Variants in ZNF333 observed in about 807,000 individuals in gnomAD.
The protein encoded by ZNF333 is zinc finger protein 333.
ZNF333 carries 61 observed loss-of-function variants against 76.1 expected under a neutral mutation model. The observed-to-expected ratio is 0.80, with a 90% confidence interval of 0.65 to 0.99. The LOEUF (loss-of-function observed/expected upper bound fraction) is 0.99. Ranked by LOEUF, ZNF333 falls within the 50% of genes least tolerant of loss-of-function variation. The pLI is 0.00. For synonymous variants in ZNF333, 284 were observed against 305.0 expected (o/e 0.93, Z 0.72); for missense variants, 717 against 822.4 (o/e 0.87, Z 1.57).
chr19:14,728,352 G>A (rs1408723192), intron 11 of ZNF333, among the ~76,000 whole-genome samples: 1 of 152,214 alleles, frequency 6.6e-6, no homozygotes, highest in Non-Finnish European at 1.5e-5. Flanking sequence ...CTCTTCTTAT[G>A]CTAGGGTGTG....
Position 14,718,241 on chromosome 19 carries a change from C to T in ZNF333, c.914C>T (p.Pro305Leu), listed in dbSNP as rs2042494451. ...SIDVKGEQPQPGEKLYKYNEL... is the reference protein window; with the variant it reads ...SIDVKGEQPQLGEKLYKYNEL... ...CTTCATCGACAGGAGCAACCTCAGC[C>T]TGGAGAAAAACTCTATAAATATAAT... Residue 305 changes from proline to leucine, a missense_variant, in exon 12 of 12, where the codon CCT becomes CTT. Coordinates refer to ENST00000292530, the MANE Select transcript of ZNF333 (RefSeq NM_032433.4). The T allele has an allele frequency of 2.5e-6, 4 of 1,608,482 alleles. No homozygotes were observed. The highest frequency in any genetic ancestry group is 2.5e-6 in the Non-Finnish European group (3 of 1,177,006).
intron 11 of ZNF333, among the ~76,000 whole-genome samples, chr19:14,727,661 T>C (rs1344306518): frequency 6.6e-6 from 1 of 152,168 alleles, no homozygotes; most frequent in Non-Finnish European, 1.5e-5. Flanking sequence ...CAGTGTGAGA[T>C]TTGGAGGGGA....
intron 5 of ZNF333, among the ~76,000 whole-genome samples, chr19:14,702,930 C>T (rs566752672): frequency 4.6e-5 from 7 of 152,076 alleles, no homozygotes; most frequent in Admixed American, 1.3e-4. Context: ...CGTGGCCGGG[C>T]GTGGTGGCTC....
chr19:14,719,349 C>T lies in ZNF333; in HGVS notation c.*24C>T. 1.3e-6 allele frequency: 2 copies of T among 1,574,010 alleles called. No individual in the cohort carries two copies. The highest frequency in any genetic ancestry group is 1.7e-6 in the Non-Finnish European group (2 of 1,161,612). ...AACTTCCATTTTGTAAAAATATAAA[C>T]ACATGGGGCTATGACTTTCCCTCGT... is the stretch of plus-strand genomic sequence containing the variant. On this transcript the variant is annotated 3_prime_UTR_variant, in exon 12 of 12. Transcript: ENST00000292530.
chr19:14,719,517 G>T lies in ZNF333; in HGVS notation c.*192G>T. 1 of 1,073,326 alleles carries T rather than the reference G, an allele frequency of 9.3e-7. No homozygotes were observed. The highest frequency in any genetic ancestry group is 1.3e-6 in the Non-Finnish European group (1 of 782,740). 66.5% of individuals were successfully genotyped at this position (1,073,326 alleles called of 1,614,324 possible). A position where few individuals can be genotyped will look rare whatever the true frequency, so the allele number is the denominator to read the frequency against. Reference sequence around the variant, plus strand: ...TTAGATTTTTCAAAACTAATATGTGGATATATTTTCATAGAGGTATAATGA... The same window carrying T: ...TTAGATTTTTCAAAACTAATATGTGTATATATTTTCATAGAGGTATAATGA... On this transcript the variant is annotated 3_prime_UTR_variant, in exon 12 of 12. Transcript: ENST00000292530.
downstream of ZNF333, among the ~76,000 whole-genome samples, chr19:14,724,478 T>G (rs2042621896): frequency 1.3e-5 from 2 of 152,200 alleles, no homozygotes; most frequent in Admixed American, 1.3e-4. Context: ...TTAAAAAGTT[T>G]GTTTAAGCCG....
chr19:14,709,207 A>G (rs2042206221), intron 7 of ZNF333: 1 of 152,430 alleles, frequency 6.6e-6, no homozygotes. Context: ...CGTCCTGTAC[A>G]ACCTGTGGAA....
downstream of ZNF333, among the ~76,000 whole-genome samples, chr19:14,725,043 C>T (rs1253222277): frequency 6.6e-6 from 1 of 152,192 alleles, no homozygotes; most frequent in African/African-American, 2.4e-5. Context: ...TCTGCAGGCT[C>T]TACAAGCATG....
At position 14,693,837 on chromosome 19, in the gene ZNF333, G is replaced by A. The variant is rs142970073; in HGVS notation, c.3+343G>A. On this transcript the variant is annotated intron_variant, in intron 2 of 11. Coordinates refer to ENST00000292530, the MANE Select transcript of ZNF333 (RefSeq NM_032433.4). ...TAATTAAGATTCAGTACATTTAGCCGGGCATGGTTGTGTGTGCCTGGAATC... is the reference window on the plus strand; with the variant it reads ...TAATTAAGATTCAGTACATTTAGCCAGGCATGGTTGTGTGTGCCTGGAATC... Among the ~76,000 whole-genome samples the A allele has an allele frequency of 3.6e-3, 549 of 152,078 alleles. 3 individuals carry two copies. Among genetic ancestry groups the A allele is most frequent in the African/African-American group, 0.011 (462 of 41,478 alleles).
chr19:14,731,279 A>G (rs2042669141), exon 12 of ZNF333: 1 of 1,269,678 alleles, frequency 7.9e-7, no homozygotes, highest in Admixed American at 2.0e-5. Context: ...TGGGGCTTGA[A>G]GACTCCAAAT....
exon 12 of ZNF333, chr19:14,732,377 C>T (rs1056309845): frequency 2.6e-5 from 4 of 152,116 alleles, no homozygotes; most frequent in African/African-American, 9.7e-5. Context: ...CTTTTATGCA[C>T]ACTGGGAAAC....
At chr19:14,696,646 A>G (rs1973213492) in intron 4 of ZNF333, among the ~76,000 whole-genome samples, 1 of 151,506 alleles carries the variant, frequency 6.6e-6, no homozygotes, top group Non-Finnish European at 1.5e-5. Context: ...AGAGGCCCAG[A>G]CTGGTTTTTA....
chr19:14,717,826 G>T lies in ZNF333; in HGVS notation c.900+93G>T, dbSNP rs187759771. On this transcript the variant is annotated intron_variant, in intron 11 of 11. Transcript: ENST00000292530. ...GAAAAGCAGCCCAAGAGCCAAGAGC[G>T]ATTCGAGGCAAGAAGTGTTTACCCA... 1,165 of 1,272,384 alleles carry T rather than the reference G, an allele frequency of 9.2e-4. 23 individuals carry two copies. In the South Asian group the frequency reaches 0.014, roughly 15 times the overall value. The allele number at this position is 1,272,384 out of a possible 1,614,324, so 78.8% of individuals were successfully genotyped here.
Position 14,719,518 on chromosome 19 carries a change from A to T in ZNF333, c.*193A>T. Reference sequence around the variant, plus strand: ...TAGATTTTTCAAAACTAATATGTGGATATATTTTCATAGAGGTATAATGAC... The same window carrying T: ...TAGATTTTTCAAAACTAATATGTGGTTATATTTTCATAGAGGTATAATGAC... On this transcript the variant is annotated 3_prime_UTR_variant, in exon 12 of 12. Coordinates refer to ENST00000292530, the MANE Select transcript of ZNF333 (RefSeq NM_032433.4). 9.4e-7 allele frequency: 1 copy of T among 1,064,310 alleles called. No homozygotes were observed. The highest frequency in any genetic ancestry group is 1.3e-6 in the Non-Finnish European group (1 of 774,392). 65.9% of individuals were successfully genotyped at this position (1,064,310 alleles called of 1,614,324 possible). A position where few individuals can be genotyped will look rare whatever the true frequency, so the allele number is the denominator to read the frequency against.
rs2042568513 is a variant in ZNF333, at chr19:14,720,753, G to A, written c.*1428G>A. The A allele has an allele frequency of 2.0e-6, 2 of 985,274 alleles. No individual in the cohort carries two copies. The highest frequency in any genetic ancestry group is 2.4e-6 in the Non-Finnish European group (2 of 829,902). 61.0% of individuals were successfully genotyped at this position (985,274 alleles called of 1,614,324 possible). ...CAAATGTCTGCTAGATCAAGCAAAT[G>A]TGTTTAAAAACCATCTACACATTTA... On this transcript the variant is annotated 3_prime_UTR_variant, in exon 12 of 12. Coordinates refer to ENST00000292530, the MANE Select transcript of ZNF333 (RefSeq NM_032433.4).
chr19:14,729,202 G>C (rs2042652601), intron 11 of ZNF333, among the ~76,000 whole-genome samples: 1 of 152,132 alleles, frequency 6.6e-6, no homozygotes, highest in African/African-American at 2.4e-5. Flanking sequence ...GAGATTCATT[G>C]CATCCTACAG....
intron 10 of ZNF333, chr19:14,717,381 C>T (rs1648684098): frequency 1.9e-6 from 1 of 540,206 alleles, no homozygotes. Context: ...TATTTTTCCT[C>T]AACATTAGTC....
At chr19:14,717,828 T>C (rs2042480291) in intron 11 of ZNF333, 95 bp downstream of exon 11, 1 of 1,264,518 alleles carries the variant, frequency 7.9e-7, no homozygotes, top group Non-Finnish European at 1.1e-6. Flanking sequence ...CCAAGAGCGA[T>C]TCGAGGCAAG....
chr19:14,706,006 G>T (rs754516923), intron 6 of ZNF333: 10 of 435,836 alleles, frequency 2.3e-5, no homozygotes, highest in African/African-American at 4.0e-5. Flanking sequence ...TCCCTCCCCC[G>T]AGGGACCTGC....
Sources: gnomAD v4.1 joint callset for allele counts (sites outside exome capture counted in the v4.1 genomes callset) on GRCh38, gnomAD v4.1.1 for gene constraint, MANE v1.5 for transcripts, NCBI Gene and HGNC (gene_info 2026-07-23, HGNC 2026-07-21) for gene names.